GALNT10: variants seen among roughly 807,000 people sequenced by gnomAD.
GALNT10 encodes GalNAc transferase 10.
Under a neutral mutation model 75.0 loss-of-function variants are expected in GALNT10, and 41 were observed. The observed-to-expected ratio is 0.55, with a 90% CI of 0.43 to 0.71. GALNT10 has a LOEUF of 0.71. GALNT10 is among the 30% of genes least tolerant of loss of function. GALNT10 has a pLI of 0.00. For synonymous variants in GALNT10, 302 were observed against 313.0 expected, an observed-to-expected ratio of 0.96 and a Z score of 0.37; for missense variants, 727 against 818.5, an observed-to-expected ratio of 0.89 and a Z score of 1.36.
At chr5:154,403,762 C>T in intron 7 of GALNT10, 3 of 342,474 alleles carry the variant, frequency 8.8e-6, no homozygotes, top group South Asian at 7.7e-5. Context: ...CCACCACTTA[C>T]TCTGTGACCT....
chr5:154,324,756 T>C (rs927267883), intron 3 of GALNT10, among the ~76,000 whole-genome samples: 4 of 152,188 alleles, frequency 2.6e-5, no homozygotes, highest in African/African-American at 9.7e-5. Flanking sequence ...AACCTCTCGG[T>C]GATGCTACCA....
At chr5:154,254,159 T>C (rs1384197711) in intron 1 of GALNT10, among the ~76,000 whole-genome samples, 3 of 152,278 alleles carry the variant, frequency 2.0e-5, no homozygotes, top group East Asian at 1.9e-4. Context: ...GGAAGCCTCA[T>C]GGTTAGTAGT....
chr5:154,232,618 T>A (rs1396981108), intron 1 of GALNT10, among the ~76,000 whole-genome samples: 2 of 151,996 alleles, frequency 1.3e-5, no homozygotes, highest in Non-Finnish European at 2.9e-5. Context: ...GAGGGTCAGG[T>A]TGTGATCCAA....
chr5:154,241,444 A>G (rs1413152186), intron 1 of GALNT10, among the ~76,000 whole-genome samples: 2 of 152,234 alleles, frequency 1.3e-5, no homozygotes, highest in Non-Finnish European at 2.9e-5. Flanking sequence ...AGAGATAACC[A>G]TAGTTGCATT....
chr5:154,358,589 T>A (rs1755333172), intron 4 of GALNT10, among the ~76,000 whole-genome samples: 1 of 152,102 alleles, frequency 6.6e-6, no homozygotes, highest in African/African-American at 2.4e-5. Flanking sequence ...CTCCCACACA[T>A]AGAGCCTCTC....
intron 7 of GALNT10, among the ~76,000 whole-genome samples, chr5:154,400,433 C>T (rs1016988644): frequency 3.3e-5 from 5 of 152,070 alleles, no homozygotes; most frequent in Non-Finnish European, 5.9e-5. Context: ...GCATGTGTGG[C>T]GACCATTAAA....
At chr5:154,290,109 T>TTTTTG (rs1754172330) in intron 1 of GALNT10, among the ~76,000 whole-genome samples, 1 of 142,010 alleles carries the variant, frequency 7.0e-6, no homozygotes. Flanking sequence ...TTTTTTTTTT[T>TTTTTG]GAGACGGAGT....
intron 1 of GALNT10, among the ~76,000 whole-genome samples, chr5:154,270,619 C>T (rs1029779771): frequency 6.6e-6 from 1 of 152,116 alleles, no homozygotes; most frequent in African/African-American, 2.4e-5. Context: ...CTCCAGTCAG[C>T]TGGATGAAGT....
At chr5:154,204,189 G>C (rs932916254) in intron 1 of GALNT10, among the ~76,000 whole-genome samples, 1 of 152,162 alleles carries the variant, frequency 6.6e-6, no homozygotes, top group Non-Finnish European at 1.5e-5. Context: ...TCCTATGTAA[G>C]CTGTGTTAAT....
chr5:154,204,781 C>T (rs1775081881), intron 1 of GALNT10, among the ~76,000 whole-genome samples: 1 of 152,234 alleles, frequency 6.6e-6, no homozygotes, highest in South Asian at 2.1e-4. Flanking sequence ...CACTCTGCGA[C>T]TTGATCAACT....
intron 5 of GALNT10, among the ~76,000 whole-genome samples, chr5:154,377,801 T>A (rs1230846135): frequency 2.0e-5 from 3 of 152,176 alleles, no homozygotes; most frequent in Non-Finnish European, 4.4e-5. Flanking sequence ...TGGTAAACTG[T>A]TTATTTAATT....
At chr5:154,276,114 T>G (rs1255903247) in intron 1 of GALNT10, among the ~76,000 whole-genome samples, 2 of 152,138 alleles carry the variant, frequency 1.3e-5, no homozygotes, top group East Asian at 3.9e-4. Flanking sequence ...AGGTCATGAG[T>G]CTAACTAAGC....
intron 1 of GALNT10, chr5:154,220,147 C>T (rs1752957221): frequency 6.6e-6 from 1 of 152,108 alleles, no homozygotes; most frequent in African/African-American, 2.4e-5. Context: ...ATGGGAATCC[C>T]TGATGTTTCA....
intron 7 of GALNT10, among the ~76,000 whole-genome samples, chr5:154,390,595 T>G (rs2113191947): frequency 6.6e-6 from 1 of 152,352 alleles, no homozygotes; most frequent in South Asian, 2.1e-4. Context: ...TTTTTTTTCT[T>G]TAGTTGACAG....
At chr5:154,256,342 CTGT>C (rs1473028458) in intron 1 of GALNT10, among the ~76,000 whole-genome samples, 2 of 82,564 alleles carry the variant, frequency 2.4e-5, no homozygotes, top group Admixed American at 1.6e-4. Context: ...TAAACAGAGG[CTGT>C]TGTTTTTGTT....
intron 1 of GALNT10, among the ~76,000 whole-genome samples, chr5:154,222,447 G>A (rs1752996510): frequency 6.6e-6 from 1 of 152,048 alleles, no homozygotes; most frequent in Non-Finnish European, 1.5e-5. Flanking sequence ...AAGTCTTTGT[G>A]TATATATATG....
chr5:154,238,135 T>C (rs28701684), intron 1 of GALNT10, among the ~76,000 whole-genome samples: 2,301 of 152,294 alleles, frequency 0.015, 47 homozygotes, highest in African/African-American at 0.053. Context: ...CACAGACACA[T>C]GTAGCAACAG....
chr5:154,222,129 T>G (rs555199186), intron 1 of GALNT10, among the ~76,000 whole-genome samples: 76 of 152,174 alleles, frequency 5.0e-4, no homozygotes, highest in Non-Finnish European at 1.9e-4. Context: ...CATTCCTCTC[T>G]GTGTCCCCTA....
At chr5:154,197,916 G>A (rs1457437285) in intron 1 of GALNT10, among the ~76,000 whole-genome samples, 3 of 152,164 alleles carry the variant, frequency 2.0e-5, no homozygotes, top group African/African-American at 7.2e-5. Flanking sequence ...CTAGTGCTGA[G>A]TCCTTAACCA....
Sources: allele counts gnomAD v4.1 joint callset (sites outside exome capture counted in the v4.1 genomes callset), GRCh38; gene constraint gnomAD v4.1.1; transcripts MANE v1.5; gene names NCBI Gene and HGNC (gene_info 2026-07-23, HGNC 2026-07-21).